Variants in DCT observed in about 807,000 individuals in gnomAD.
DCT encodes the protein L-dopachrome tautomerase.
A neutral mutation model predicts 53.0 loss-of-function variants in DCT; 47 were observed. That is an observed-to-expected ratio of 0.89 (90% confidence interval 0.70 to 1.13). The LOEUF is 1.13. DCT is among the 50% of genes most tolerant of loss of function. DCT has a pLI of 0.00. For synonymous variants in DCT, 244 were observed against 237.0 expected (o/e 1.03, Z -0.27); for missense variants, 669 against 637.4 (o/e 1.05, Z -0.53).
chr13:94,467,059 A>T (rs1366216427), intron 2 of DCT: 1 of 153,408 alleles, frequency 6.5e-6, no homozygotes, highest in East Asian at 1.9e-4. Flanking sequence ...TGCTTCACAA[A>T]GATATAAATT....
chr13:94,461,505 C>A (rs77616417), intron 5 of DCT, among the ~76,000 whole-genome samples: 3,341 of 152,216 alleles, frequency 0.022, 59 homozygotes, highest in Non-Finnish European at 0.035. Context: ...CCATGCCCAA[C>A]CTGTGGTGGA....
the DCT span, among the ~76,000 whole-genome samples, chr13:94,501,433 T>C: frequency 6.6e-6 from 1 of 152,104 alleles, no homozygotes; most frequent in Admixed American, 6.5e-5. Context: ...CTCTAGTACA[T>C]AAAAAGTAAG....
intron 6 of DCT, among the ~76,000 whole-genome samples, chr13:94,458,362 G>T (rs1469494008): frequency 1.3e-5 from 2 of 152,124 alleles, no homozygotes; most frequent in African/African-American, 4.8e-5. Context: ...TGCCTGCAAG[G>T]AGTAACAGAC....
the DCT span, among the ~76,000 whole-genome samples, chr13:94,511,362 C>CTT: frequency 1.2e-3 from 99 of 83,548 alleles, 1 homozygote; most frequent in South Asian, 0.018. Context: ...CTCTCTCTCT[C>CTT]TTTTTTTTTT....
At chr13:94,499,095 C>T in the DCT span, among the ~76,000 whole-genome samples, 1 of 152,166 alleles carries the variant, frequency 6.6e-6, no homozygotes, top group Admixed American at 6.5e-5. Context: ...AAGCTTTGTT[C>T]TTTCGCTTTT....
chr13:94,514,187 C>T, the DCT span, among the ~76,000 whole-genome samples: 1 of 152,100 alleles, frequency 6.6e-6, no homozygotes, highest in Non-Finnish European at 1.5e-5. Context: ...CCGGGAACAT[C>T]ACCACTTCCA....
the DCT span, among the ~76,000 whole-genome samples, chr13:94,508,841 T>C: frequency 2.6e-5 from 4 of 152,106 alleles, no homozygotes; most frequent in Non-Finnish European, 4.4e-5. Flanking sequence ...GTCCCATGAG[T>C]GCTACAGAGG....
Position 94,474,741 on chromosome 13 carries a change from A to G in DCT, c.295+4220T>C, listed in dbSNP as rs78916200. Among the ~76,000 whole-genome samples the G allele has an allele frequency of 2.0e-4, 30 of 152,312 alleles. No individual in the cohort carries two copies. The East Asian group carries it at 5.2e-3, about 26-fold the overall frequency. On this transcript the variant is annotated intron_variant, in intron 1 of 7. Transcript: ENST00000377028. ...TAAGCTCAGTGGCTTTTTTGTTTCA[A>G]TTTATCCCTACAGAGACTATAGAGA...
intron 2 of DCT, 68 bp from the exon 3 acceptor site, chr13:94,466,726 G>T: frequency 1.9e-6 from 2 of 1,060,202 alleles, no homozygotes; most frequent in Non-Finnish European, 2.8e-6. Flanking sequence ...ATCTTACCTG[G>T]GCTGTATCTA....
intron 6 of DCT, among the ~76,000 whole-genome samples, chr13:94,448,866 T>C (rs1882899236): frequency 6.6e-6 from 1 of 151,762 alleles, no homozygotes; most frequent in South Asian, 2.1e-4. Flanking sequence ...AACGCACCAC[T>C]GCACTCCAGC....
the DCT span, among the ~76,000 whole-genome samples, chr13:94,489,860 T>C: frequency 6.6e-6 from 1 of 152,182 alleles, no homozygotes; most frequent in East Asian, 1.9e-4. Context: ...TATTTATAAC[T>C]CACACATAGA....
chr13:94,438,656 C>T lies in DCT; in HGVS notation c.*1242G>A, dbSNP rs1441908892. 4.4e-6 allele frequency: 2 copies of T among 455,910 alleles called. No homozygotes were observed. The highest frequency in any genetic ancestry group is 4.7e-5 in the Admixed American group (2 of 42,570). The allele number at this position is 455,910 out of a possible 1,614,324, so 28.2% of individuals were successfully genotyped here. A position where few individuals can be genotyped will look rare whatever the true frequency, so the allele number is the denominator to read the frequency against. On this transcript the variant is annotated 3_prime_UTR_variant, in exon 8 of 8. Coordinates refer to ENST00000377028, the MANE Select transcript of DCT (RefSeq NM_001922.5). ...GAAATTTGCCTGGAAATCTCAAGAG[C>T]CATTAACTTCTCTGAAGTGGGGTCC...
chr13:94,478,946 G>A lies in DCT; in HGVS notation c.295+15C>T. The A allele has an allele frequency of 1.9e-6, 3 of 1,584,668 alleles. No individual in the cohort carries two copies. Among genetic ancestry groups the A allele is most frequent in the Non-Finnish European group, 2.6e-6 (3 of 1,159,552 alleles). ...GCTCTGGCCCTCCCCACCAAGCTTGGAGCATGGGCCTCACCTGTGCACTTG... is the reference window on the plus strand; with the variant it reads ...GCTCTGGCCCTCCCCACCAAGCTTGAAGCATGGGCCTCACCTGTGCACTTG... On this transcript the variant is annotated intron_variant, in intron 1 of 7. Transcript: ENST00000377028.
chr13:94,508,586 C>T, the DCT span, among the ~76,000 whole-genome samples: 68,976 of 151,892 alleles, frequency 0.45, 16,923 homozygotes, highest in African/African-American at 0.63. Context: ...TGATGTGTTT[C>T]AAATTAGAGA....
chr13:94,449,907 A>G (rs898840571), intron 6 of DCT, among the ~76,000 whole-genome samples: 2 of 152,206 alleles, frequency 1.3e-5, no homozygotes, highest in Admixed American at 6.5e-5. Context: ...GGTACTACAC[A>G]GAGAGAATAT....
At chr13:94,534,446 C>A in the DCT span, among the ~76,000 whole-genome samples, 1 of 152,200 alleles carries the variant, frequency 6.6e-6, no homozygotes, top group South Asian at 2.1e-4. Context: ...TTTTCTTAGA[C>A]CACCAATTAT....
At chr13:94,547,984 A>AATATATATATATATATATATAT in the DCT span, among the ~76,000 whole-genome samples, 2 of 65,818 alleles carry the variant, frequency 3.0e-5, no homozygotes, top group Non-Finnish European at 2.3e-5. Context: ...AAAAAAAAAA[A>AATATATATATATATATATATAT]ATATATATAT....
At chr13:94,452,700 A>C in intron 6 of DCT, 1 of 703,242 alleles carries the variant, frequency 1.4e-6, no homozygotes, top group Non-Finnish European at 2.6e-6. Context: ...TAAAATCTTA[A>C]ATTTAAAATT....
chr13:94,454,897 T>G (rs1883311414), intron 6 of DCT, among the ~76,000 whole-genome samples: 1 of 152,214 alleles, frequency 6.6e-6, no homozygotes, highest in African/African-American at 2.4e-5. Flanking sequence ...AAAGAAACGC[T>G]GTGGCTTTTT....
Sources: gnomAD v4.1 joint callset for allele counts (sites outside exome capture counted in the v4.1 genomes callset) on GRCh38, gnomAD v4.1.1 for gene constraint, MANE v1.5 for transcripts, NCBI Gene and HGNC (gene_info 2026-07-23, HGNC 2026-07-21) for gene names.